TAB2: variants seen among roughly 807,000 people sequenced by gnomAD.
TAB2 encodes the protein TGF-beta activated kinase 1 (MAP3K7) binding protein 2.
A neutral mutation model predicts 65.0 loss-of-function variants in TAB2; 3 were observed. The observed-to-expected ratio is 0.05, with a 90% CI of 0.02 to 0.12. TAB2 has a LOEUF of 0.12. TAB2 is among the 10% of genes least tolerant of loss of function. The probability of loss-of-function intolerance (pLI) is 1.00; values close to 1 mark genes in which losing one functional copy is unlikely to be tolerated. For synonymous variants in TAB2, 298 were observed against 285.1 expected (o/e 1.05, Z -0.46); for missense variants, 623 against 840.3 (o/e 0.74, Z 3.20).
rs184836579 is a variant in TAB2 at position 149,410,579 on chromosome 6, A to C, written c.*860A>C. The C allele has an allele frequency of 2.0e-5, 3 of 152,788 alleles. No individual in the cohort carries two copies. In the East Asian group the frequency reaches 5.8e-4, roughly 29 times the overall value. 9.5% of individuals were successfully genotyped at this position (152,788 alleles called of 1,614,324 possible). A position where few individuals can be genotyped will look rare whatever the true frequency, so the allele number is the denominator to read the frequency against. Reference sequence around the variant, plus strand: ...AGTATGCACAGAATAACTTTCCTCTACTTATTCTGTACTTTGCCCTCATGA... The same window carrying C: ...AGTATGCACAGAATAACTTTCCTCTCCTTATTCTGTACTTTGCCCTCATGA... On this transcript the variant is annotated 3_prime_UTR_variant, in exon 7 of 7. Transcript: ENST00000637181.
In TAB2 at chr6:149,387,706, G is replaced by T. The variant is rs763044386; in HGVS notation, c.1603+8188G>T. On this transcript the variant is annotated intron_variant, in intron 3 of 6. Transcript: ENST00000637181. ...TACATACTTGCTTTTTTAAAAAACT[G>T]AAAACAGAACTAAAGGGTATATAAT... 2.0e-4 allele frequency among the ~76,000 whole-genome samples: 30 copies of T among 152,096 alleles called. 1 individual carries two copies. Among genetic ancestry groups the T allele is most frequent in the Non-Finnish European group, 4.1e-4 (28 of 67,988 alleles).
At chr6:149,348,304 C>T (rs1375622873) in intron 1 of TAB2, among the ~76,000 whole-genome samples, 1 of 151,906 alleles carries the variant, frequency 6.6e-6, no homozygotes, top group African/African-American at 2.4e-5. Context: ...AGGGAAGATC[C>T]TTTGAGCCCA....
At chr6:149,308,498 CTATTTATTTATTTATTTATTTACT>C (rs1459304374) in intron 1 of TAB2, among the ~76,000 whole-genome samples, 3 of 139,312 alleles carry the variant, frequency 2.2e-5, no homozygotes, top group Non-Finnish European at 4.6e-5. Flanking sequence ...GTGATATTTT[CTATTTATTTATTTATTTATTTACT>C]TATTTATTTA....
In TAB2 at chr6:149,239,320, C is replaced by T. The variant is rs560820499; in HGVS notation, c.-121+20544C>T. 1.7e-4 allele frequency among the ~76,000 whole-genome samples: 26 copies of T among 152,326 alleles called. No homozygotes were observed. In the East Asian group the frequency reaches 4.6e-3, roughly 27 times the overall value. On this transcript the variant is annotated intron_variant, in intron 1 of 1. Coordinates refer to the TAB2 transcript ENST00000606202. ...CTGGAGTTGCCATGACCAGAGCTTA[C>T]TGAGATTATGTGGTGAGGTCACCTG...
chr6:149,328,078 C>A (rs1779671004), intron 1 of TAB2, among the ~76,000 whole-genome samples: 1 of 152,112 alleles, frequency 6.6e-6, no homozygotes, highest in Non-Finnish European at 1.5e-5. Flanking sequence ...TAGTTCATTA[C>A]CTAGTTGAAG....
intron 1 of TAB2, among the ~76,000 whole-genome samples, chr6:149,357,228 C>T (rs1000717512): frequency 6.6e-5 from 10 of 151,874 alleles, no homozygotes; most frequent in African/African-American, 2.4e-4. Flanking sequence ...GCAGCCTGGC[C>T]AATATGGTGA....
chr6:149,257,273 G>A (rs1778056937), intron 1 of TAB2: 1 of 152,146 alleles, frequency 6.6e-6, no homozygotes, highest in African/African-American at 2.4e-5. Flanking sequence ...CACTCAGGAG[G>A]ATCCACTGTC....
At chr6:149,253,998 GAA>G (rs1208643961) in intron 1 of TAB2, among the ~76,000 whole-genome samples, 1 of 140,380 alleles carries the variant, frequency 7.1e-6, no homozygotes, top group Non-Finnish European at 1.5e-5. Flanking sequence ...AAGAAAGAAA[GAA>G]AGAAAGAAAG....
chr6:149,226,364 T>C (rs189274955), intron 1 of TAB2, among the ~76,000 whole-genome samples: 16 of 152,228 alleles, frequency 1.1e-4, no homozygotes, highest in African/African-American at 3.9e-4. Context: ...GTGGTCCTAT[T>C]AGTCCTCGGG....
At chr6:149,281,848 A>G (rs1459398926) in intron 1 of TAB2, among the ~76,000 whole-genome samples, 1 of 151,846 alleles carries the variant, frequency 6.6e-6, no homozygotes, top group Non-Finnish European at 1.5e-5. Flanking sequence ...TGTTTCCTAC[A>G]AAAAAAATAC....
chr6:149,352,896 C>T (rs1230922536), intron 1 of TAB2, among the ~76,000 whole-genome samples: 1 of 152,080 alleles, frequency 6.6e-6, no homozygotes, highest in East Asian at 1.9e-4. Context: ...GGAAACACAC[C>T]CTTTTCCTGA....
At chr6:149,302,106 G>C (rs989336502) in intron 1 of TAB2, among the ~76,000 whole-genome samples, 1 of 151,914 alleles carries the variant, frequency 6.6e-6, no homozygotes, top group Non-Finnish European at 1.5e-5. Flanking sequence ...GTTTCATATA[G>C]GTATTCAAAA....
intron 1 of TAB2, among the ~76,000 whole-genome samples, chr6:149,357,430 A>AAAAACACACACACACACACAC: frequency 6.0e-4 from 67 of 111,182 alleles, no homozygotes; most frequent in African/African-American, 6.8e-4. Flanking sequence ...AGAAAAAAAA[A>AAAAACACACACACACACACAC]ACACACACAC....
intron 1 of TAB2, among the ~76,000 whole-genome samples, chr6:149,250,446 C>T (rs1186920825): frequency 2.0e-5 from 3 of 152,084 alleles, no homozygotes; most frequent in African/African-American, 7.2e-5. Context: ...CCTGGGATTA[C>T]GGGCATGTAC....
At chr6:149,325,770 C>T (rs574578945) in intron 1 of TAB2, among the ~76,000 whole-genome samples, 1 of 152,280 alleles carries the variant, frequency 6.6e-6, no homozygotes, top group South Asian at 2.1e-4. Context: ...GACAGTGTCT[C>T]GCTATGTTGC....
chr6:149,260,585 A>G (rs1778132737), intron 1 of TAB2, among the ~76,000 whole-genome samples: 1 of 152,344 alleles, frequency 6.6e-6, no homozygotes, highest in South Asian at 2.1e-4. Flanking sequence ...TCATCCTATG[A>G]ACATCGTGTG....
At chr6:149,403,888 C>G (rs1168030498) in intron 6 of TAB2, among the ~76,000 whole-genome samples, 1 of 152,048 alleles carries the variant, frequency 6.6e-6, no homozygotes, top group Non-Finnish European at 1.5e-5. Context: ...CCCCAGGACC[C>G]AGACACCTCC....
intron 1 of TAB2, among the ~76,000 whole-genome samples, chr6:149,368,063 G>T (rs898952296): frequency 2.6e-5 from 4 of 152,106 alleles, no homozygotes; most frequent in Admixed American, 2.6e-4. Context: ...GATGAATGTA[G>T]ATATAGTTGA....
intron 1 of TAB2, among the ~76,000 whole-genome samples, chr6:149,252,089 C>A (rs1274312529): frequency 6.6e-6 from 1 of 151,998 alleles, no homozygotes; most frequent in Non-Finnish European, 1.5e-5. Flanking sequence ...GAGCTACAGA[C>A]CTGGAATGAG....
Sources: allele counts gnomAD v4.1 joint callset (sites outside exome capture counted in the v4.1 genomes callset), GRCh38; gene constraint gnomAD v4.1.1; transcripts MANE v1.5; gene names NCBI Gene and HGNC (gene_info 2026-07-23, HGNC 2026-07-21).